SLC14A2: variants seen among roughly 807,000 people sequenced by gnomAD.
SLC14A2 encodes the protein urea transporter 2.
In SLC14A2, 91 loss-of-function variants were observed where a neutral mutation model predicts 104.6. That is an observed-to-expected ratio of 0.87 (90% CI 0.73 to 1.04). SLC14A2 has a LOEUF of 1.04. SLC14A2 is among the 50% of genes least tolerant of loss of function. The pLI, the probability that SLC14A2 is intolerant of heterozygous loss-of-function variation, is 0.00. For synonymous variants in SLC14A2, 476 were observed against 466.4 expected (o/e 1.02, Z -0.27); for missense variants, 1,189 against 1,156.0 (o/e 1.03, Z -0.41).
intron 1 of SLC14A2, among the ~76,000 whole-genome samples, chr18:45,429,384 A>C (rs1163322004): frequency 6.6e-6 from 1 of 152,210 alleles, no homozygotes; most frequent in Non-Finnish European, 1.5e-5. Context: ...GTTGGTCTTC[A>C]TGCAAAATGA....
chr18:45,648,840 C>T (rs1248476688), intron 10 of SLC14A2, among the ~76,000 whole-genome samples: 1 of 151,912 alleles, frequency 6.6e-6, no homozygotes, highest in Admixed American at 6.6e-5. Context: ...TCATGATACT[C>T]CCTCTTTCTT....
intron 1 of SLC14A2, among the ~76,000 whole-genome samples, chr18:45,462,912 G>A (rs901396637): frequency 2.0e-5 from 3 of 152,090 alleles, no homozygotes; most frequent in Non-Finnish European, 4.4e-5. Flanking sequence ...TCAATATATG[G>A]CCTCTATTAT....
chr18:45,299,408 CAT>C (rs1398248650), intron 1 of SLC14A2, among the ~76,000 whole-genome samples: 1 of 152,224 alleles, frequency 6.6e-6, no homozygotes, highest in East Asian at 1.9e-4. Context: ...TGCACACACA[CAT>C]GTGCGCATGC....
chr18:45,505,675 C>T (rs1021595221), intron 2 of SLC14A2, among the ~76,000 whole-genome samples: 2 of 151,200 alleles, frequency 1.3e-5, no homozygotes, highest in Non-Finnish European at 3.0e-5. Context: ...AGTCCTCGGC[C>T]CCCCGAGCAC....
chr18:45,361,155 C>G (rs2085606629), intron 1 of SLC14A2, among the ~76,000 whole-genome samples: 2 of 152,190 alleles, frequency 1.3e-5, no homozygotes, highest in African/African-American at 2.4e-5. Flanking sequence ...TTGTGTCCCT[C>G]TGATACAGCA....
chr18:45,523,493 C>A (rs1342728565), intron 2 of SLC14A2, among the ~76,000 whole-genome samples: 4 of 119,104 alleles, frequency 3.4e-5, no homozygotes, highest in African/African-American at 1.3e-4. Context: ...CCACACCCAG[C>A]TTTTTTTTTT....
At chr18:45,662,877 C>T (rs930580850) in intron 10 of SLC14A2, among the ~76,000 whole-genome samples, 20 of 152,066 alleles carry the variant, frequency 1.3e-4, no homozygotes, top group African/African-American at 4.1e-4. Flanking sequence ...ATTACGAGAC[C>T]TGGGTGTGGG....
intron 1 of SLC14A2, among the ~76,000 whole-genome samples, chr18:45,391,864 C>T (rs1641096109): frequency 6.6e-6 from 1 of 152,168 alleles, no homozygotes; most frequent in Non-Finnish European, 1.5e-5. Flanking sequence ...CATTTTCTCC[C>T]ATTTTGTGGG....
At chr18:45,659,195 C>A (rs1179469463) in intron 10 of SLC14A2, among the ~76,000 whole-genome samples, 1 of 152,236 alleles carries the variant, frequency 6.6e-6, no homozygotes, top group Non-Finnish European at 1.5e-5. Context: ...GACCTCCAAG[C>A]AGCCAGGTGC....
chr18:45,471,165 A>G (rs1324874626), intron 1 of SLC14A2, among the ~76,000 whole-genome samples: 1 of 152,216 alleles, frequency 6.6e-6, no homozygotes, highest in Non-Finnish European at 1.5e-5. Context: ...TTGTACTTGA[A>G]CAACAGTTTG....
intron 1 of SLC14A2, among the ~76,000 whole-genome samples, chr18:45,439,148 G>A (rs1023965202): frequency 1.3e-5 from 2 of 152,088 alleles, no homozygotes; most frequent in Non-Finnish European, 2.9e-5. Context: ...AAATTAGCTG[G>A]GCATGGTGCA....
chr18:45,560,703 A>G (rs887450322), intron 2 of SLC14A2, among the ~76,000 whole-genome samples: 2 of 152,186 alleles, frequency 1.3e-5, no homozygotes, highest in Non-Finnish European at 2.9e-5. Context: ...GTTAGCCTTG[A>G]TCTTCTCTGA....
intron 1 of SLC14A2, among the ~76,000 whole-genome samples, chr18:45,337,451 G>C (rs1443611695): frequency 6.6e-6 from 1 of 152,114 alleles, no homozygotes; most frequent in Non-Finnish European, 1.5e-5. Flanking sequence ...TAGCAGACAA[G>C]TATGAAAACA....
At chr18:45,589,919 G>A (rs796975869) in intron 2 of SLC14A2, among the ~76,000 whole-genome samples, 4 of 152,334 alleles carry the variant, frequency 2.6e-5, no homozygotes, top group African/African-American at 7.2e-5. Flanking sequence ...TTCTGTGTCT[G>A]AGCGTGAGAG....
intron 2 of SLC14A2, among the ~76,000 whole-genome samples, chr18:45,575,760 T>A (rs915673349): frequency 2.6e-5 from 4 of 152,072 alleles, no homozygotes; most frequent in Admixed American, 2.0e-4. Flanking sequence ...AGATCCTCAA[T>A]TTTCTTTGAA....
At chr18:45,305,025 CCA>C (rs2085004631) in intron 1 of SLC14A2, among the ~76,000 whole-genome samples, 2 of 152,228 alleles carry the variant, frequency 1.3e-5, no homozygotes, top group Non-Finnish European at 2.9e-5. Flanking sequence ...GAGAATCATT[CCA>C]CAGTGTCTGT....
intron 11 of SLC14A2, among the ~76,000 whole-genome samples, chr18:45,665,257 G>A (rs1165862248): frequency 6.6e-6 from 1 of 152,110 alleles, no homozygotes; most frequent in Non-Finnish European, 1.5e-5. Context: ...AAAACACAGG[G>A]TAGTCAGAGC....
intron 1 of SLC14A2, among the ~76,000 whole-genome samples, chr18:45,358,193 C>T (rs565850363): frequency 6.6e-6 from 1 of 152,228 alleles, no homozygotes; most frequent in East Asian, 1.9e-4. Flanking sequence ...GAGTAGAAAC[C>T]AGCTTGGTTT....
intron 1 of SLC14A2, among the ~76,000 whole-genome samples, chr18:45,323,143 C>G (rs1420256299): frequency 6.6e-6 from 1 of 152,120 alleles, no homozygotes; most frequent in Non-Finnish European, 1.5e-5. Flanking sequence ...ATGATGGGAA[C>G]CAAGCTAGGC....
Sources: gnomAD v4.1 joint callset for allele counts (sites outside exome capture counted in the v4.1 genomes callset) on GRCh38, gnomAD v4.1.1 for gene constraint, MANE v1.5 for transcripts, NCBI Gene and HGNC (gene_info 2026-07-23, HGNC 2026-07-21) for gene names.